Variants in CEP57L1 observed in about 807,000 individuals in gnomAD.
CEP57L1 encodes centrosomal protein CEP57L1.
Under a neutral mutation model 61.0 loss-of-function variants are expected in CEP57L1, and 37 were observed. That is an observed-to-expected ratio of 0.61 (90% CI 0.47 to 0.80). The LOEUF (loss-of-function observed/expected upper bound fraction) is 0.80. Among genes scored for constraint, CEP57L1 ranks in the 30% least tolerant of loss-of-function variants. The probability of loss-of-function intolerance (pLI) is 0.00; values close to 1 mark genes in which losing one functional copy is unlikely to be tolerated. For synonymous variants in CEP57L1, 137 were observed against 162.3 expected, an observed-to-expected ratio of 0.84 and a Z score of 1.19; for missense variants, 422 against 524.7, an observed-to-expected ratio of 0.80 and a Z score of 1.91.
chr6:109,134,816 GC>G (rs1774642778), intron 1 of CEP57L1, among the ~76,000 whole-genome samples: 1 of 152,070 alleles, frequency 6.6e-6, no homozygotes, highest in Non-Finnish European at 1.5e-5. Context: ...ATTCACAATT[GC>G]TTCAAAGAGA....
intron 1 of CEP57L1, among the ~76,000 whole-genome samples, chr6:109,112,221 G>A (rs1010059348): frequency 2.2e-4 from 33 of 152,138 alleles, no homozygotes; most frequent in African/African-American, 4.8e-4. Context: ...GGTCTATTCC[G>A]GGATTCGACT....
chr6:109,095,666 G>T (rs1781601846), intron 1 of CEP57L1, 91 bp downstream of exon 1: 1 of 841,396 alleles, frequency 1.2e-6, no homozygotes, highest in Non-Finnish European at 1.4e-6. Flanking sequence ...AGCCATCTAG[G>T]GTGGCCTCCC....
intron 1 of CEP57L1, chr6:109,130,976 G>A (rs1309899340): frequency 6.6e-6 from 1 of 152,104 alleles, no homozygotes; most frequent in African/African-American, 2.4e-5. Context: ...TCATTAAACT[G>A]TATCCCCTGG....
At chr6:109,146,002 T>C (rs1771921277) in intron 2 of CEP57L1, among the ~76,000 whole-genome samples, 2 of 151,916 alleles carry the variant, frequency 1.3e-5, no homozygotes, top group Non-Finnish European at 2.9e-5. Flanking sequence ...TGGAATAAAC[T>C]ATAAGAAATA....
intron 1 of CEP57L1, among the ~76,000 whole-genome samples, chr6:109,125,509 C>CAT (rs1319328927): frequency 2.3e-4 from 32 of 138,208 alleles, no homozygotes; most frequent in East Asian, 1.3e-3. Flanking sequence ...TATATATATA[C>CAT]ATATATATAT....
chr6:109,117,044 T>C (rs1772388740), intron 1 of CEP57L1, among the ~76,000 whole-genome samples: 1 of 152,206 alleles, frequency 6.6e-6, no homozygotes, highest in Non-Finnish European at 1.5e-5. Context: ...ATTTTAATAA[T>C]CTGAGATTGA....
At chr6:109,116,820 T>G (rs1290800040) in intron 1 of CEP57L1, among the ~76,000 whole-genome samples, 2 of 152,178 alleles carry the variant, frequency 1.3e-5, no homozygotes, top group Non-Finnish European at 2.9e-5. Flanking sequence ...AGCCTGTTTC[T>G]TAATGAAAAA....
rs1218203934 is a variant in CEP57L1, at chr6:109,167,037, A to C, written c.*4067A>C. 6.6e-6 allele frequency among the ~76,000 whole-genome samples: 1 copy of C among 152,168 alleles called. No homozygotes were observed. The highest frequency in any genetic ancestry group is 1.5e-5 in the Non-Finnish European group (1 of 68,036). On this transcript the variant is annotated 3_prime_UTR_variant, in exon 11 of 11. Coordinates refer to ENST00000517392, the MANE Select transcript of CEP57L1 (RefSeq NM_001271852.3). ...TTTAAAAAACTATGCGTGCCATTGC[A>C]CCTTTTAATTAAAGTGAGATGAGGA...
At chr6:109,148,180 C>T (rs569644065) in intron 3 of CEP57L1, among the ~76,000 whole-genome samples, 1 of 151,990 alleles carries the variant, frequency 6.6e-6, no homozygotes, top group East Asian at 1.9e-4. Flanking sequence ...AGGTTAGTTA[C>T]ATATGTATAC....
rs971292271 is a variant in CEP57L1, at chr6:109,171,571, T to C, written c.*8601T>C. Among the ~76,000 whole-genome samples, 1 of 152,110 alleles carries C rather than the reference T, an allele frequency of 6.6e-6. No homozygotes were observed. The highest frequency in any genetic ancestry group is 2.4e-5 in the African/African-American group (1 of 41,438). On this transcript the variant is annotated 3_prime_UTR_variant, in exon 11 of 11. Coordinates refer to ENST00000517392, the MANE Select transcript of CEP57L1 (RefSeq NM_001271852.3). ...AGAGTTTGATTCTCTTAAACCGTTC[T>C]ACTAAAATACTATCAGTTTAAACTA...
chr6:109,120,912 GCACACACACA>G lies in CEP57L1; in HGVS notation c.-3-24270_-3-24261del, dbSNP rs71747421. ...AGAAAATTCCTATACTTAGACACAC[GCACACACACA>G]CACACACACACACACACACACACAC... is the stretch of plus-strand genomic sequence containing the variant. On this transcript the variant is annotated intron_variant, in intron 1 of 10. Coordinates refer to ENST00000517392, the MANE Select transcript of CEP57L1 (RefSeq NM_001271852.3). Among the ~76,000 whole-genome samples, 570 of 133,516 alleles carry G rather than the reference GCACACACACA, an allele frequency of 4.3e-3. 3 individuals carry two copies. The highest frequency in any genetic ancestry group is 0.019 in the East Asian group (90 of 4,684). 87.6% of individuals were successfully genotyped at this position (133,516 alleles called of 152,430 possible).
At chr6:109,153,717 A>G (rs1206641253) in intron 4 of CEP57L1, 116 bp from the exon 5 acceptor site, 1 of 712,548 alleles carries the variant, frequency 1.4e-6, no homozygotes, top group Admixed American at 2.4e-5. Flanking sequence ...TTGTTTATGT[A>G]CATGTTTCTT....
chr6:109,128,748 G>A (rs1258848751), intron 1 of CEP57L1, among the ~76,000 whole-genome samples: 1 of 152,028 alleles, frequency 6.6e-6, no homozygotes, highest in Non-Finnish European at 1.5e-5. Flanking sequence ...ATCTATCATC[G>A]TTCTCAATGA....
rs1774021060 is a variant in CEP57L1, at chr6:109,165,219, T to C, written c.*2249T>C. On this transcript the variant is annotated 3_prime_UTR_variant, in exon 11 of 11. Transcript: ENST00000517392. The stretch of plus-strand genomic sequence containing the variant: ...GGTTTCAAATTCTGGGACTCTACCA[T>C]TTAATAGCTTGGACAAGTCAGATAA... 6.6e-6 allele frequency among the ~76,000 whole-genome samples: 1 copy of C among 152,142 alleles called. No individual in the cohort carries two copies. Among genetic ancestry groups the C allele is most frequent in the African/African-American group, 2.4e-5 (1 of 41,444 alleles).
chr6:109,132,801 T>C (rs1302091890), intron 1 of CEP57L1, among the ~76,000 whole-genome samples: 1 of 152,228 alleles, frequency 6.6e-6, no homozygotes, highest in East Asian at 1.9e-4. Flanking sequence ...GCCTAACTGT[T>C]AGATATGAAA....
intron 4 of CEP57L1, 122 bp downstream of exon 4, chr6:109,150,361 T>C: frequency 3.5e-6 from 4 of 1,159,372 alleles, no homozygotes; most frequent in Non-Finnish European, 3.7e-6. Flanking sequence ...CTAACTTACG[T>C]GTAATTGGAG....
Position 109,155,786 on chromosome 6 carries a change from T to G in CEP57L1, c.658-5T>G. 1 of 1,452,562 alleles carries G rather than the reference T, an allele frequency of 6.9e-7. No homozygotes were observed. Among genetic ancestry groups the G allele is most frequent in the Non-Finnish European group, 9.6e-7 (1 of 1,043,104 alleles). The allele number at this position is 1,452,562 out of a possible 1,614,324, so 90.0% of individuals were successfully genotyped here. A position where few individuals can be genotyped will look rare whatever the true frequency, so the allele number is the denominator to read the frequency against. ...ATGTTATAACCTTTTTTTTAAATAT[T>G]ACAGCTTCAAACTGGACTTGAAATC... is the stretch of plus-strand genomic sequence containing the variant. On this transcript the variant is annotated splice_polypyrimidine_tract_variant and splice_region_variant and intron_variant, in intron 6 of 10. Transcript: ENST00000517392.
At chr6:109,136,491 C>T (rs1468375759) in intron 1 of CEP57L1, among the ~76,000 whole-genome samples, 4 of 149,536 alleles carry the variant, frequency 2.7e-5, no homozygotes, top group East Asian at 2.0e-4. Flanking sequence ...GTGCAGCCCA[C>T]GAACATGGCA....
In CEP57L1 at chr6:109,173,869, A is replaced by C. The variant is rs112373754; in HGVS notation, c.*10899A>C. On this transcript the variant is annotated 3_prime_UTR_variant, in exon 11 of 11. Transcript: ENST00000517392. The stretch of plus-strand genomic sequence containing the variant: ...ATCCCAGCACTTTGGGAGGCAAAGG[A>C]AGGTGGATCACTTGAGGTCAGGAGT... Among the ~76,000 whole-genome samples, 20,535 of 151,476 alleles carry C rather than the reference A, an allele frequency of 0.14. 1,643 individuals carry two copies. The highest frequency in any genetic ancestry group is 0.21 in the Middle Eastern group (63 of 294).
Sources: allele counts gnomAD v4.1 joint callset (sites outside exome capture counted in the v4.1 genomes callset), GRCh38; gene constraint gnomAD v4.1.1; transcripts MANE v1.5; gene names NCBI Gene and HGNC (gene_info 2026-07-23, HGNC 2026-07-21).